The following CD58 variants were observed in gnomAD, a reference collection of about 807,000 sequenced individuals.
The protein encoded by CD58 is lymphocyte function-associated antigen 3.
A neutral mutation model predicts 27.6 loss-of-function variants in CD58; 14 were observed. That is an observed-to-expected ratio of 0.51 (90% CI 0.34 to 0.79). CD58 has a LOEUF of 0.79. CD58 is among the 30% of genes least tolerant of loss of function. The pLI is 0.02. For synonymous variants in CD58, 117 were observed against 103.8 expected (o/e 1.13, Z -0.77); for missense variants, 268 against 301.7 (o/e 0.89, Z 0.83).
intron 2 of CD58, among the ~76,000 whole-genome samples, chr1:116,537,082 C>A (rs748417520): frequency 2.0e-5 from 3 of 152,150 alleles, no homozygotes; most frequent in Non-Finnish European, 4.4e-5. Flanking sequence ...ATAGCAAGAC[C>A]CTGTCTTTAT....
chr1:116,519,346 G>C lies in CD58; in HGVS notation c.707-79C>G. The C allele has an allele frequency of 7.5e-7, 1 of 1,330,772 alleles. No homozygotes were observed. The highest frequency in any genetic ancestry group is 1.1e-6 in the Non-Finnish European group (1 of 942,472). 82.4% of individuals were successfully genotyped at this position (1,330,772 alleles called of 1,614,324 possible). ...ATGTGGAGTTACTGACTGCCTATTAGAGGCCTAAATATGGAAAACTAAGCC... is the reference window on the plus strand; with the variant it reads ...ATGTGGAGTTACTGACTGCCTATTACAGGCCTAAATATGGAAAACTAAGCC... On this transcript the variant is annotated intron_variant, in intron 4 of 5. Coordinates refer to ENST00000369489, the MANE Select transcript of CD58 (RefSeq NM_001779.3). This position sits in a 1 kb window ranked among gnomAD's most constrained non-coding sequence, Gnocchi z 4.7.
chr1:116,559,309 G>A lies in CD58; in HGVS notation c.70+11594C>T, dbSNP rs937568436. ...CGCTGGACACTTGGTTGATAGAGAA[G>A]GTCAAAGATTCCGAAGCACCAGGCT... On this transcript the variant is annotated intron_variant, in intron 1 of 5. Transcript: ENST00000369489. This position sits in a 1 kb window ranked among gnomAD's most constrained non-coding sequence, Gnocchi z 4.4. 1.3e-5 allele frequency among the ~76,000 whole-genome samples: 2 copies of A among 152,162 alleles called. No homozygotes were observed. The highest frequency in any genetic ancestry group is 2.4e-5 in the African/African-American group (1 of 41,436).
chr1:116,529,126 A>C (rs766596046), intron 3 of CD58, among the ~76,000 whole-genome samples: 4 of 152,226 alleles, frequency 2.6e-5, no homozygotes, highest in Non-Finnish European at 4.4e-5. Flanking sequence ...AATCAGGTCT[A>C]GGACCTAGGT....
At chr1:116,554,111 G>A (rs1423349691) in intron 1 of CD58, among the ~76,000 whole-genome samples, 2 of 152,104 alleles carry the variant, frequency 1.3e-5, no homozygotes, top group Non-Finnish European at 2.9e-5. Context: ...CTGAATACTG[G>A]GATCTGGGTG....
At chr1:116,554,534 T>C (rs933286748) in intron 1 of CD58, among the ~76,000 whole-genome samples, 3 of 151,898 alleles carry the variant, frequency 2.0e-5, no homozygotes, top group African/African-American at 7.3e-5. Flanking sequence ...AAAAAATATA[T>C]ATATATTTTA....
chr1:116,533,997 CATCACCTG>C (rs1209922842), intron 3 of CD58: 7 of 1,368,908 alleles, frequency 5.1e-6, no homozygotes, highest in Non-Finnish European at 7.3e-6. Context: ...CAGGATTCTG[CATCACCTG>C]ATCCGTGAGC....
chr1:116,560,659 C>A (rs987311420), intron 1 of CD58, among the ~76,000 whole-genome samples: 4 of 152,192 alleles, frequency 2.6e-5, no homozygotes, highest in Non-Finnish European at 4.4e-5. Flanking sequence ...AGGCACTAAT[C>A]TCAACAGACA....
At chr1:116,566,839 T>G (rs76995079) in intron 1 of CD58, among the ~76,000 whole-genome samples, 11,982 of 151,628 alleles carry the variant, frequency 0.079, 1,227 homozygotes, top group African/African-American at 0.24. Flanking sequence ...AATATATATA[T>G]AGAGAGAAAC....
intron 1 of CD58, among the ~76,000 whole-genome samples, chr1:116,565,727 G>GT (rs71096875): frequency 0.02 from 2,876 of 140,886 alleles, 41 homozygotes; most frequent in African/African-American, 0.047. Context: ...TTGTTTTTTT[G>GT]TTTTTTTTTT....
At chr1:116,542,403 A>C (rs142050655) in intron 2 of CD58, among the ~76,000 whole-genome samples, 158 of 152,364 alleles carry the variant, frequency 1.0e-3, no homozygotes, top group African/African-American at 3.4e-3. Context: ...ACATGGACTG[A>C]GAATGAACCA....
In CD58 at chr1:116,544,525, A is replaced by G. The variant is rs1354163727; in HGVS notation, c.150T>C (p.Pro50=). 1 of 1,613,710 alleles carries G rather than the reference A, an allele frequency of 6.2e-7. No individual in the cohort carries two copies. The change falls in exon 2 of 6, where the codon CCT becomes CCC. Residue 50 remains proline (P), a synonymous_variant. Transcript: ENST00000369489. ...GTTTTTTCCATAGGACCTCTTTTAA[A>G]GGCACATTGCTTGGTACATGGAAAG... ...NVTFHVPSNV[P]LKEVLWKKQK...
In CD58 at chr1:116,532,828, G is replaced by A. The variant is rs1657660930; in HGVS notation, c.628+3137C>T. 2 of 567,466 alleles carry A rather than the reference G, an allele frequency of 3.5e-6. No homozygotes were observed. Among genetic ancestry groups the A allele is most frequent in the East Asian group, 3.3e-5 (1 of 30,138 alleles). 35.2% of individuals were successfully genotyped at this position (567,466 alleles called of 1,614,324 possible). ...ATCATGCACTTGAAAACGATTAGAT[G>A]GAGTAAGCGCTGTCGACGGGATTGT... On this transcript the variant is annotated intron_variant, in intron 3 of 5. Coordinates refer to ENST00000369489, the MANE Select transcript of CD58 (RefSeq NM_001779.3). This position sits in a 1 kb window ranked among gnomAD's most constrained non-coding sequence, Gnocchi z 5.1.
Position 116,539,932 on chromosome 1 carries a change from TA to T in CD58, c.365-3705del, listed in dbSNP as rs1405383944. Among the ~76,000 whole-genome samples the T allele has an allele frequency of 3.3e-5, 5 of 152,328 alleles. No homozygotes were observed. In the South Asian group the frequency reaches 1.0e-3, roughly 32 times the overall value. ...TTAATGAATTGAGTTCACTGCTGTG[TA>T]AAAAATGAGAATTTCTTACACATAT... On this transcript the variant is annotated intron_variant, in intron 2 of 5. Transcript: ENST00000369489.
rs1657325727 is a variant in CD58, at chr1:116,523,285, A to G, written c.629-1302T>C. ...TTCACAAGGTAAACTCTATCCAGCT[A>G]TTGAAAATCCAAAATCAGAGTACAC... On this transcript the variant is annotated intron_variant, in intron 3 of 5. Transcript: ENST00000369489. The surrounding 1 kb of genome is among the most constrained non-coding windows in gnomAD (Gnocchi z 4.4). 6.6e-6 allele frequency among the ~76,000 whole-genome samples: 1 copy of G among 152,182 alleles called. No individual in the cohort carries two copies. Among genetic ancestry groups the G allele is most frequent in the Non-Finnish European group, 1.5e-5 (1 of 68,024 alleles).
intron 1 of CD58, among the ~76,000 whole-genome samples, chr1:116,561,203 T>C (rs1377913385): frequency 6.6e-6 from 1 of 152,034 alleles, no homozygotes; most frequent in African/African-American, 2.4e-5. Flanking sequence ...TAAAAAGAGG[T>C]TCTAAGACTA....
In CD58 at chr1:116,550,717, AG is replaced by A. The variant is rs1383050487; in HGVS notation, c.71-6114del. 6.6e-6 allele frequency among the ~76,000 whole-genome samples: 1 copy of A among 152,160 alleles called. No individual in the cohort carries two copies. The highest frequency in any genetic ancestry group is 2.4e-5 in the African/African-American group (1 of 41,434). ...ATCTAGAATGCTGAATCCTTTCAGA[AG>A]GTTGTCAATTTACTTTGCCCAGATT... On this transcript the variant is annotated intron_variant, in intron 1 of 5. Transcript: ENST00000369489. This position sits in a 1 kb window ranked among gnomAD's most constrained non-coding sequence, Gnocchi z 4.2.
rs915332383 is a variant in CD58, at chr1:116,563,887, C to T, written c.70+7016G>A. On this transcript the variant is annotated intron_variant, in intron 1 of 5. Transcript: ENST00000369489. The surrounding 1 kb of genome is among the most constrained non-coding windows in gnomAD (Gnocchi z 4.1). Reference sequence around the variant, plus strand: ...TTGTCTTCGTGATTAACATTTGGCTCCTCATTACTTAATGCAAATTTCTGC... The same window carrying T: ...TTGTCTTCGTGATTAACATTTGGCTTCTCATTACTTAATGCAAATTTCTGC... Among the ~76,000 whole-genome samples the T allele has an allele frequency of 1.3e-5, 2 of 152,210 alleles. No individual in the cohort carries two copies. Among genetic ancestry groups the T allele is most frequent in the Non-Finnish European group, 2.9e-5 (2 of 68,042 alleles).
chr1:116,537,496 G>A (rs908326303), intron 2 of CD58, among the ~76,000 whole-genome samples: 7 of 152,048 alleles, frequency 4.6e-5, no homozygotes, highest in African/African-American at 7.2e-5. Flanking sequence ...GAGCCTTGTC[G>A]GGCCCTGCCT....
chr1:116,562,678 A>G (rs1485375701), intron 1 of CD58, among the ~76,000 whole-genome samples: 1 of 152,182 alleles, frequency 6.6e-6, no homozygotes, highest in African/African-American at 2.4e-5. Context: ...GGCAAGAGAG[A>G]GCGTGTGCAG....
Sources: allele counts gnomAD v4.1 joint callset (sites outside exome capture counted in the v4.1 genomes callset), GRCh38; gene constraint gnomAD v4.1.1; non-coding constraint Gnocchi (gnomAD v3.1); transcripts MANE v1.5; gene names NCBI Gene and HGNC (gene_info 2026-07-23, HGNC 2026-07-21).